Variants in SGF29 observed in about 807,000 individuals in gnomAD.
SGF29 encodes the protein SAGA-associated factor 29.
In SGF29, 15 loss-of-function variants were observed where a neutral mutation model predicts 38.1. The ratio of observed to expected loss-of-function variants is 0.39; its 90% CI spans 0.26 to 0.61. The LOEUF (loss-of-function observed/expected upper bound fraction) is 0.61, where lower values mean the gene tolerates loss of function less well. SGF29 is among the 20% of genes least tolerant of loss of function. The pLI, the probability that SGF29 is intolerant of heterozygous loss-of-function variation, is 0.49. For synonymous variants in SGF29, 151 were observed against 160.8 expected (o/e 0.94, Z 0.46); for missense variants, 184 against 394.6 (o/e 0.47, Z 4.52).
intron 1 of SGF29, among the ~76,000 whole-genome samples, chr16:28,580,449 C>G (rs2151650242): frequency 6.6e-6 from 1 of 152,288 alleles, no homozygotes; most frequent in Non-Finnish European, 1.5e-5. Context: ...TTACTCCGCG[C>G]ATCTCTCCCG....
At chr16:28,584,497 A>C (rs949826760) in intron 2 of SGF29, among the ~76,000 whole-genome samples, 2 of 151,266 alleles carry the variant, frequency 1.3e-5, no homozygotes, top group African/African-American at 2.4e-5. Flanking sequence ...TACTAAAAAT[A>C]CAAAAAATTA....
At chr16:28,591,473 T>G (rs1475503571) in intron 9 of SGF29, 117 bp from the exon 10 acceptor site, 13 of 746,206 alleles carry the variant, frequency 1.7e-5, no homozygotes, top group Admixed American at 1.1e-4. Context: ...GTGAAGGATG[T>G]TAGGAGTGGC....
rs549633899 is a variant in SGF29 at position 28,565,468 on chromosome 16, T to C, written c.-16+11371T>C. Among the ~76,000 whole-genome samples the C allele has an allele frequency of 2.0e-5, 3 of 152,154 alleles. No homozygotes were observed. In the East Asian group the frequency reaches 5.8e-4, roughly 29 times the overall value. The stretch of plus-strand genomic sequence containing the variant: ...AGCTGAGGGTGGGCTGAGGCGTGAA[T>C]GGGAGAAGTGACGATGGTAGGTATG... On this transcript the variant is annotated intron_variant, in intron 1 of 9. Coordinates refer to ENST00000317058, the MANE Select transcript of SGF29 (RefSeq NM_138414.3).
At chr16:28,578,536 CT>C (rs2046907565) in intron 1 of SGF29, among the ~76,000 whole-genome samples, 1 of 151,958 alleles carries the variant, frequency 6.6e-6, no homozygotes, top group Admixed American at 6.6e-5. Flanking sequence ...TGTTATTATA[CT>C]TTTAAATAGC....
chr16:28,583,582 C>A (rs569585375), intron 2 of SGF29, among the ~76,000 whole-genome samples: 1 of 152,198 alleles, frequency 6.6e-6, no homozygotes, highest in Admixed American at 6.5e-5. Context: ...GTCATAATTT[C>A]TTTCTTAGGA....
intron 1 of SGF29, among the ~76,000 whole-genome samples, chr16:28,579,888 A>G (rs996543727): frequency 1.3e-5 from 2 of 151,848 alleles, no homozygotes; most frequent in Non-Finnish European, 2.9e-5. Flanking sequence ...CCAAGATCAC[A>G]CCACTGCACT....
chr16:28,576,962 T>A (rs537253187), intron 1 of SGF29, among the ~76,000 whole-genome samples: 23 of 152,164 alleles, frequency 1.5e-4, no homozygotes, highest in Admixed American at 3.3e-4. Flanking sequence ...TCACCCAAGG[T>A]CAGACATTCG....
At chr16:28,581,019 T>G (rs1357447321) in intron 1 of SGF29, 36 bp from the exon 2 acceptor site, 1 of 1,489,806 alleles carries the variant, frequency 6.7e-7, no homozygotes, top group Non-Finnish European at 9.3e-7. Context: ...CAGCAGCCAC[T>G]AACAGAGTTC....
intron 2 of SGF29, among the ~76,000 whole-genome samples, chr16:28,583,961 A>G (rs2046940934): frequency 6.6e-6 from 1 of 151,890 alleles, no homozygotes; most frequent in Non-Finnish European, 1.5e-5. Context: ...GACTGTATAG[A>G]TTGATTTGTC....
rs2046973033 is a variant in SGF29 at position 28,589,275 on chromosome 16, T to TCC, written c.289+113_289+114dup. On this transcript the variant is annotated intron_variant, in intron 5 of 9. Transcript: ENST00000317058. ...CTGTGGCCACCACCTGCTGGCATCC[T>TCC]CCCATGGAGGCTCTGGCAGACTGGC... is the stretch of plus-strand genomic sequence containing the variant. 1.2e-5 allele frequency: 13 copies of TCC among 1,079,482 alleles called. No homozygotes were observed. In the Admixed American group the frequency reaches 2.5e-4, roughly 21 times the overall value. 66.9% of individuals were successfully genotyped at this position (1,079,482 alleles called of 1,614,324 possible).
At chr16:28,566,422 T>C (rs2046836628) in intron 1 of SGF29, among the ~76,000 whole-genome samples, 1 of 152,052 alleles carries the variant, frequency 6.6e-6, no homozygotes. Flanking sequence ...AGTAATTAAC[T>C]GAGAGGATTA....
intron 1 of SGF29, among the ~76,000 whole-genome samples, chr16:28,556,064 A>T (rs2046748882): frequency 6.6e-6 from 1 of 152,194 alleles, no homozygotes; most frequent in Non-Finnish European, 1.5e-5. Context: ...GATTGCTGTA[A>T]GGTTTAAATG....
At chr16:28,554,440 G>T (rs1768114673) in intron 1 of SGF29, among the ~76,000 whole-genome samples, 1 of 152,222 alleles carries the variant, frequency 6.6e-6, no homozygotes, top group African/African-American at 2.4e-5. Flanking sequence ...GCGGACAGAG[G>T]ATGGGCCCCG....
intron 1 of SGF29, among the ~76,000 whole-genome samples, chr16:28,554,913 C>T (rs1421883203): frequency 6.6e-6 from 1 of 152,220 alleles, no homozygotes; most frequent in African/African-American, 2.4e-5. Flanking sequence ...ACACTGTTTT[C>T]ATTTGGCTTG....
chr16:28,585,128 C>A, intron 3 of SGF29, 140 bp downstream of exon 3: 1 of 639,274 alleles, frequency 1.6e-6, no homozygotes. Context: ...GGAGGGACAG[C>A]TTTCCGTTAA....
chr16:28,585,863 T>G, intron 4 of SGF29, 143 bp downstream of exon 4: 1 of 755,302 alleles, frequency 1.3e-6, no homozygotes, highest in Non-Finnish European at 2.3e-6. Flanking sequence ...GGGTCCCGCA[T>G]TCCCTGGCCC....
intron 1 of SGF29, among the ~76,000 whole-genome samples, chr16:28,564,708 CATATATATGTATATATAT>C: frequency 2.0e-5 from 1 of 50,244 alleles, no homozygotes; most frequent in Admixed American, 3.2e-4. Context: ...TATATATATA[CATATATATGTATATATAT>C]ACATATATAT....
intron 2 of SGF29, among the ~76,000 whole-genome samples, chr16:28,584,116 G>A (rs1429961039): frequency 6.6e-6 from 1 of 150,388 alleles, no homozygotes; most frequent in Non-Finnish European, 1.5e-5. Context: ...TCAGCCTCCC[G>A]AGTAGCTAGG....
At position 28,585,007 on chromosome 16, in the gene SGF29, GA is replaced by G. The variant is rs1871751174; in HGVS notation, c.151+20del. ...AACAAGAGTGAGTAGCTGGGCTCAG[GA>G]GAGAAAGGGGATGAGATGGGGCTAG... is the stretch of plus-strand genomic sequence containing the variant. On this transcript the variant is annotated intron_variant, in intron 3 of 9. Coordinates refer to ENST00000317058, the MANE Select transcript of SGF29 (RefSeq NM_138414.3). 1.9e-6 allele frequency: 3 copies of G among 1,604,790 alleles called. No individual in the cohort carries two copies. Among genetic ancestry groups the G allele is most frequent in the Non-Finnish European group, 2.6e-6 (3 of 1,172,050 alleles).
Sources: allele counts gnomAD v4.1 joint callset (sites outside exome capture counted in the v4.1 genomes callset), GRCh38; gene constraint gnomAD v4.1.1; transcripts MANE v1.5; gene names NCBI Gene and HGNC (gene_info 2026-07-23, HGNC 2026-07-21).